Variants in ZFYVE16 observed in about 807,000 individuals in gnomAD.
The protein encoded by ZFYVE16 is zinc finger FYVE-type containing 16.
ZFYVE16 carries 89 observed loss-of-function variants against 138.1 expected under a neutral mutation model. The ratio of observed to expected loss-of-function variants is 0.64; its 90% CI spans 0.54 to 0.77. The LOEUF is 0.77. ZFYVE16 is among the 30% of genes least tolerant of loss of function. ZFYVE16 has a pLI of 0.00. For synonymous variants in ZFYVE16, 596 were observed against 618.3 expected, an observed-to-expected ratio of 0.96 and a Z score of 0.53; for missense variants, 1,793 against 1,786.7, an observed-to-expected ratio of 1.00 and a Z score of -0.06.
intron 5 of ZFYVE16, chr5:80,440,373 C>G (rs1236523562): frequency 2.0e-6 from 2 of 1,002,972 alleles, no homozygotes; most frequent in Non-Finnish European, 2.4e-6. Context: ...CTTACAGATA[C>G]CTACCAATAG....
intron 15 of ZFYVE16, among the ~76,000 whole-genome samples, chr5:80,463,500 G>A (rs1753355473): frequency 6.6e-6 from 1 of 152,092 alleles, no homozygotes. Flanking sequence ...CAGGCCTCCA[G>A]GCCTGTAATG....
At chr5:80,425,929 T>A (rs145583308) in intron 1 of ZFYVE16, among the ~76,000 whole-genome samples, 1 of 152,300 alleles carries the variant, frequency 6.6e-6, no homozygotes, top group East Asian at 1.9e-4. Context: ...CATTCGGGAT[T>A]ATGAAGAGAT....
rs763138163 is a variant in ZFYVE16 at position 80,445,386 on chromosome 5, T to C, written c.2705T>C (p.Leu902Pro). 1.7e-5 allele frequency: 28 copies of C among 1,613,416 alleles called. No homozygotes were observed. In the Admixed American group the frequency reaches 4.7e-4, roughly 27 times the overall value. ...SKRCSEDFSPLSPDVPMTVNT... is the reference protein window; with the variant it reads ...SKRCSEDFSPPSPDVPMTVNT... The stretch of plus-strand genomic sequence containing the variant: ...AGATGTTCTGAAGACTTTAGTCCTC[T>C]CTCACCTGATGTGCCTATGGTAAGG... The change falls in exon 7 of 19, where the codon CTC (leucine) becomes CCC (proline). Residue 902 changes from leucine to proline, a missense_variant. Leu to Pro is a moderately conservative substitution (Grantham distance 98). This residue lies in a region of ZFYVE16 where 1,295 missense variants were observed against 1,204.3 expected (regional missense o/e 1.08). Transcript: ENST00000505560.
chr5:80,443,932 T>C, intron 6 of ZFYVE16: 1 of 423,948 alleles, frequency 2.4e-6, no homozygotes, highest in South Asian at 1.7e-5. Flanking sequence ...TAAATAATTG[T>C]TCTATCTCCT....
chr5:80,442,099 G>T, intron 5 of ZFYVE16: 1 of 262,872 alleles, frequency 3.8e-6, no homozygotes, highest in Non-Finnish European at 5.9e-6. Context: ...CAGATTAGTG[G>T]CAAAAGGAAA....
rs6882103 is a variant in ZFYVE16 at position 80,429,674 on chromosome 5, G to A, written c.-40+2129G>A. The stretch of plus-strand genomic sequence containing the variant: ...AGACTGGCAAATTGGATAAAGAGTC[G>A]AGACCCATCAGTGTGCTATATTCAG... On this transcript the variant is annotated intron_variant, in intron 2 of 18. Coordinates refer to ENST00000505560, the MANE Select transcript of ZFYVE16 (RefSeq NM_001284236.3). Among the ~76,000 whole-genome samples the A allele has an allele frequency of 6.2e-3, 951 of 152,202 alleles. 10 individuals carry two copies. Among genetic ancestry groups the A allele is most frequent in the African/African-American group, 0.021 (877 of 41,550 alleles).
chr5:80,459,828 A>G (rs1478732906), intron 15 of ZFYVE16, among the ~76,000 whole-genome samples: 3 of 152,132 alleles, frequency 2.0e-5, no homozygotes, highest in Non-Finnish European at 4.4e-5. Flanking sequence ...GGAACTCCCT[A>G]TTTTCATACA....
intron 1 of ZFYVE16, among the ~76,000 whole-genome samples, chr5:80,411,234 AG>A (rs1368423242): frequency 6.8e-6 from 1 of 146,582 alleles, no homozygotes; most frequent in African/African-American, 2.5e-5. Flanking sequence ...TGCCCACCTC[AG>A]CCTCCCAAAG....
Position 80,437,530 on chromosome 5 carries a change from T to A in ZFYVE16, c.845T>A (p.Val282Glu). ...GATGTTGGCTTAGTAAAAGAGGAAG[T>A]AGATGTGGCAGTCATAACTGCCGCA... Reference protein sequence around the residue: ...LKDVGLVKEEVDVAVITAAEC... With the variant: ...LKDVGLVKEEEDVAVITAAEC... Residue 282 changes from valine to glutamate, a missense_variant, in exon 4 of 19, where the codon GTA (valine) becomes GAA (glutamate). This residue lies in a region of ZFYVE16 where 1,295 missense variants were observed against 1,204.3 expected (regional missense o/e 1.08). Transcript: ENST00000505560. The A allele has an allele frequency of 6.2e-7, 1 of 1,613,894 alleles. No homozygotes were observed.
chr5:80,472,791 C>T lies in ZFYVE16; in HGVS notation c.4055C>T (p.Thr1352Ile), dbSNP rs139589180. ...TTAATGGTACAAATAACTCCAGAGACCATGAATGGCTTGCGGCTAGCTTTA... is the reference window on the plus strand; with the variant it reads ...TTAATGGTACAAATAACTCCAGAGATCATGAATGGCTTGCGGCTAGCTTTA... Reference protein sequence around the residue: ...DGLMVQITPETMNGLRLALRE... With the variant: ...DGLMVQITPEIMNGLRLALRE... Residue 1352 changes from threonine to isoleucine, a missense_variant, in exon 16 of 19, where the codon ACC becomes ATC. Transcript: ENST00000505560. 1.3e-3 allele frequency: 2,044 copies of T among 1,613,864 alleles called. 1 individual carries two copies. The highest frequency in any genetic ancestry group is 2.3e-3 in the Middle Eastern group (14 of 6,058).
At chr5:80,419,413 G>T (rs184551098) in intron 1 of ZFYVE16, among the ~76,000 whole-genome samples, 1 of 152,026 alleles carries the variant, frequency 6.6e-6, no homozygotes, top group African/African-American at 2.4e-5. Flanking sequence ...TGATCTACGT[G>T]TCTGTTCTCT....
chr5:80,435,763 TGG>T, intron 3 of ZFYVE16: 1 of 436,644 alleles, frequency 2.3e-6, no homozygotes, highest in Non-Finnish European at 4.6e-6. Flanking sequence ...TTTTTACAGA[TGG>T]GGTCTCACTG....
intron 16 of ZFYVE16, among the ~76,000 whole-genome samples, 173 bp downstream of exon 16, chr5:80,473,096 C>T (rs1364127567): frequency 6.6e-6 from 1 of 152,122 alleles, no homozygotes; most frequent in African/African-American, 2.4e-5. Flanking sequence ...CCTAACTAGC[C>T]TCATAAGTGG....
At chr5:80,428,293 T>A (rs747741777) in intron 2 of ZFYVE16, among the ~76,000 whole-genome samples, 16 of 152,194 alleles carry the variant, frequency 1.1e-4, no homozygotes, top group Non-Finnish European at 2.1e-4. Context: ...ACATTTGCTG[T>A]TCAGCAACAT....
At chr5:80,456,202 A>G in intron 12 of ZFYVE16, 1 of 330,000 alleles carries the variant, frequency 3.0e-6, no homozygotes, top group Non-Finnish European at 5.5e-6. Flanking sequence ...TTCCACCTAT[A>G]CTTTTTGTAA....
intron 1 of ZFYVE16, among the ~76,000 whole-genome samples, chr5:80,412,272 A>G (rs748990215): frequency 5.3e-5 from 8 of 152,204 alleles, no homozygotes; most frequent in Non-Finnish European, 1.0e-4. Flanking sequence ...TTTAAAAACC[A>G]TTTTATTGTA....
At chr5:80,444,017 G>A (rs114585148) in intron 6 of ZFYVE16, 9,983 of 324,150 alleles carry the variant, frequency 0.031, 213 homozygotes, top group South Asian at 0.054. Flanking sequence ...TTAAATCTTT[G>A]AGTTGTCTGT....
chr5:80,433,734 T>C (rs1489727146), intron 2 of ZFYVE16, among the ~76,000 whole-genome samples: 3 of 152,176 alleles, frequency 2.0e-5, no homozygotes. Context: ...TAAGTATCTC[T>C]TGAAGTACCA....
chr5:80,435,670 G>T, intron 3 of ZFYVE16: 1 of 388,604 alleles, frequency 2.6e-6, no homozygotes, highest in Admixed American at 2.9e-5. Flanking sequence ...CTGCCCTCAG[G>T]CAATCCTCTC....
Sources: gnomAD v4.1 joint callset for allele counts (sites outside exome capture counted in the v4.1 genomes callset) on GRCh38, gnomAD v4.1.1 for gene constraint, gnomAD v4.1.1 regional missense constraint, MANE v1.5 for transcripts, NCBI Gene and HGNC (gene_info 2026-07-23, HGNC 2026-07-21) for gene names.